PTPRS: variants seen among roughly 807,000 people sequenced by gnomAD.
PTPRS encodes the protein protein tyrosine phosphatase receptor type S.
In PTPRS, 63 loss-of-function variants were observed where a neutral mutation model predicts 215.3. The ratio of observed to expected loss-of-function variants is 0.29; its 90% CI spans 0.24 to 0.36. The LOEUF (loss-of-function observed/expected upper bound fraction) is 0.36, where lower values mean the gene tolerates loss of function less well. Among genes scored for constraint, PTPRS ranks in the 10% least tolerant of loss-of-function variants. PTPRS has a pLI of 1.00. For missense variants in PTPRS, 2,258 were observed against 2,825.8 expected, an observed-to-expected ratio of 0.80 and a Z score of 4.56; for synonymous variants, 1,404 against 1,191.4, an observed-to-expected ratio of 1.18 and a Z score of -3.68.
At chr19:5,322,201 C>A (rs756161329) in intron 1 of PTPRS, among the ~76,000 whole-genome samples, 22 of 152,356 alleles carry the variant, frequency 1.4e-4, no homozygotes, top group African/African-American at 5.3e-4. Flanking sequence ...CAGCTCTGCA[C>A]AGCAGACACC....
chr19:5,316,626 C>G lies in PTPRS; in HGVS notation c.-95+24038G>C, dbSNP rs576385013. On this transcript the variant is annotated intron_variant, in intron 1 of 37. Transcript: ENST00000262963. ...CAGGCCGGTCTCCAACTCCTGACCT[C>G]AACTGATCCACCCGCCTTGGCCTCC... Among the ~76,000 whole-genome samples the G allele has an allele frequency of 1.6e-4, 25 of 152,280 alleles. No individual in the cohort carries two copies. In the South Asian group the frequency reaches 4.6e-3, roughly 28 times the overall value.
chr19:5,305,312 G>A (rs2049445062), intron 1 of PTPRS, among the ~76,000 whole-genome samples: 1 of 152,136 alleles, frequency 6.6e-6, no homozygotes, highest in South Asian at 2.1e-4. Flanking sequence ...TTGGGAGGCT[G>A]AGAAAGGAGG....
At chr19:5,233,173 AAAAT>A (rs147982132) in intron 13 of PTPRS, among the ~76,000 whole-genome samples, 2,617 of 146,814 alleles carry the variant, frequency 0.018, 89 homozygotes, top group African/African-American at 0.062. Flanking sequence ...GAATGGTAAC[AAAAT>A]AATCTATGTC....
In PTPRS at chr19:5,210,472, G is replaced by T; in HGVS notation, c.5484C>A (p.Ala1828=). 1 of 1,614,118 alleles carries T rather than the reference G, an allele frequency of 6.2e-7. No homozygotes were observed. Among genetic ancestry groups the T allele is most frequent in the Non-Finnish European group, 8.5e-7 (1 of 1,180,014 alleles). ...YILREFKVTD[A]RDGQSRTVRQ... is the part of the protein sequence containing the mutation. ...GCCAGTCTGTCTCTTCACTCACCCG[G>T]GCATCTGTGACCTTGAACTCTCGCA... The change falls in exon 35 of 38, where the codon GCC becomes GCA. Residue 1828 remains alanine (A), a synonymous_variant. Transcript: ENST00000262963. This position sits in a 1 kb window ranked among gnomAD's most constrained non-coding sequence, Gnocchi z 4.5.
chr19:5,277,691 C>G, intron 2 of PTPRS: 1 of 541,770 alleles, frequency 1.8e-6, no homozygotes, highest in Admixed American at 2.6e-5. Flanking sequence ...CTCCCTTCCT[C>G]GGCGCTGCCT....
chr19:5,311,091 G>C (rs2049686953), intron 1 of PTPRS, among the ~76,000 whole-genome samples: 2 of 152,086 alleles, frequency 1.3e-5, no homozygotes, highest in Admixed American at 1.3e-4. Context: ...TGTTGGCCAG[G>C]ATGGTCTCGA....
chr19:5,305,285 C>T (rs1035398235), intron 1 of PTPRS, among the ~76,000 whole-genome samples: 27 of 152,178 alleles, frequency 1.8e-4, no homozygotes, highest in African/African-American at 6.5e-4. Context: ...GTGGCTCATG[C>T]CTGTGATCCC....
chr19:5,212,954 C>T (rs2041060369), intron 30 of PTPRS, among the ~76,000 whole-genome samples: 1 of 152,104 alleles, frequency 6.6e-6, no homozygotes, highest in Non-Finnish European at 1.5e-5. Flanking sequence ...GGACGCCTCA[C>T]ACACAACGTG....
chr19:5,302,270 A>G (rs2049324706), intron 1 of PTPRS, among the ~76,000 whole-genome samples: 1 of 152,116 alleles, frequency 6.6e-6, no homozygotes, highest in Non-Finnish European at 1.5e-5. Context: ...AGGCTGAGGC[A>G]GGAGGATTGC....
rs184049288 is a variant in PTPRS at position 5,305,480 on chromosome 19, G to A, written c.-94-19246C>T. 2.6e-5 allele frequency among the ~76,000 whole-genome samples: 4 copies of A among 152,164 alleles called. No individual in the cohort carries two copies. The East Asian group carries it at 5.8e-4, about 22-fold the overall frequency. On this transcript the variant is annotated intron_variant, in intron 1 of 37. Coordinates refer to ENST00000262963, the MANE Select transcript of PTPRS (RefSeq NM_002850.4). ...GAGGATCACTTGAGCCTTGGAGGTC[G>A]AGGCTGCAGTGAGCTATAATAGTGC...
At chr19:5,249,021 G>T (rs569214711) in intron 9 of PTPRS, among the ~76,000 whole-genome samples, 9 of 152,308 alleles carry the variant, frequency 5.9e-5, no homozygotes, top group African/African-American at 2.2e-4. Flanking sequence ...ATTATAAAAA[G>T]GAAATGGAGG....
Position 5,206,620 on chromosome 19 carries a change from G to A in PTPRS, c.*154C>T. The A allele has an allele frequency of 3.2e-6, 2 of 634,520 alleles. No individual in the cohort carries two copies. Among genetic ancestry groups the A allele is most frequent in the East Asian group, 3.0e-5 (1 of 33,636 alleles). The allele number at this position is 634,520 out of a possible 1,614,324, so 39.3% of individuals were successfully genotyped here. A position where few individuals can be genotyped will look rare whatever the true frequency, so the allele number is the denominator to read the frequency against. On this transcript the variant is annotated 3_prime_UTR_variant, in exon 38 of 38. Coordinates refer to ENST00000262963, the MANE Select transcript of PTPRS (RefSeq NM_002850.4). The stretch of plus-strand genomic sequence containing the variant: ...GCCGGGGCCGGTGGGGGGGCTCGAG[G>A]GGCTGCGTCGTCCTCGGAAATGGTG...
At position 5,214,388 on chromosome 19, in the gene PTPRS, G is replaced by A. The variant is rs747312967; in HGVS notation, c.4587C>T (p.Phe1529=). 6.2e-7 allele frequency: 1 copy of A among 1,614,182 alleles called. No individual in the cohort carries two copies. The highest frequency in any genetic ancestry group is 8.5e-7 in the Non-Finnish European group (1 of 1,180,036). The change falls in exon 30 of 38, where the codon TTC becomes TTT. Residue 1529 remains phenylalanine (F), a synonymous_variant. Transcript: ENST00000262963. ...TLLDTIELAT[F]CVRTFSLHKN... is the part of the protein sequence containing the mutation. ...TGTGCAGAGAGAATGTCCTGACGCA[G>A]AATGTGGCCAGCTCGATGGTATCTA...
chr19:5,212,235 G>A lies in PTPRS; in HGVS notation c.4785C>T (p.Arg1595=). The A allele has an allele frequency of 1.2e-6, 2 of 1,611,488 alleles. No homozygotes were observed. Among genetic ancestry groups the A allele is most frequent in the Non-Finnish European group, 1.7e-6 (2 of 1,178,390 alleles). Residue 1595 remains arginine (R), a synonymous_variant, in exon 32 of 38, where the codon CGC becomes CGT. Coordinates refer to ENST00000262963, the MANE Select transcript of PTPRS (RefSeq NM_002850.4). Reference sequence around the variant, plus strand: ...CGTCGATGACGATAAAGCAGCCTGTGCGGCCCACACCGGCACTGCAGGGAC... The same window carrying A: ...CGTCGATGACGATAAAGCAGCCTGTACGGCCCACACCGGCACTGCAGGGAC... ...IVVHCSAGVG[R]TGCFIVIDAM...
At chr19:5,239,154 G>T in intron 12 of PTPRS, 91 bp from the exon 13 acceptor site, 1 of 795,352 alleles carries the variant, frequency 1.3e-6, no homozygotes, top group South Asian at 1.6e-5. Flanking sequence ...CAGAAACAGA[G>T]GGGGGAGGGG....
chr19:5,211,448 A>C, intron 33 of PTPRS, 142 bp downstream of exon 33: 1 of 793,100 alleles, frequency 1.3e-6, no homozygotes, highest in South Asian at 2.2e-5. Context: ...CCATCAGTTA[A>C]ATATACATCT....
At position 5,223,006 on chromosome 19, in the gene PTPRS, C is replaced by T. The variant is rs1313647555; in HGVS notation, c.2786G>A (p.Arg929His). Residue 929 changes from arginine to histidine, a missense_variant, in exon 18 of 38, where the codon CGT becomes CAT. Arg to His is a conservative substitution (Grantham distance 29, BLOSUM62 0). Transcript: ENST00000262963. ...EVLSIPEDTP[R>H]GHPQILEAAG... The stretch of plus-strand genomic sequence containing the variant: ...CGCCTCCAGAATCTGCGGGTGGCCA[C>T]GGGGCGTGTCCTCCGGGATGCTCAG... 2.3e-5 allele frequency: 36 copies of T among 1,541,740 alleles called. No homozygotes were observed. The Admixed American group carries it at 2.5e-4, about 11-fold the overall frequency.
intron 11 of PTPRS, 28 bp downstream of exon 11, chr19:5,243,873 C>T (rs2044257310): frequency 1.3e-5 from 19 of 1,453,664 alleles, no homozygotes; most frequent in Non-Finnish European, 1.7e-5. Context: ...CGGCCGGGGC[C>T]CCGAGTCCTG....
intron 16 of PTPRS, among the ~76,000 whole-genome samples, chr19:5,226,175 C>T (rs1434485835): frequency 6.6e-6 from 1 of 152,206 alleles, no homozygotes; most frequent in Non-Finnish European, 1.5e-5. Context: ...CAGGGTCCGT[C>T]CCCGCTCTCC....
Sources: allele counts gnomAD v4.1 joint callset (sites outside exome capture counted in the v4.1 genomes callset), GRCh38; gene constraint gnomAD v4.1.1; non-coding constraint Gnocchi (gnomAD v3.1); transcripts MANE v1.5; gene names NCBI Gene and HGNC (gene_info 2026-07-23, HGNC 2026-07-21).